The following NRG3 variants were observed in gnomAD, a reference collection of about 807,000 sequenced individuals.
NRG3 encodes pro-neuregulin-3, membrane-bound isoform.
A neutral mutation model predicts 66.9 loss-of-function variants in NRG3; 31 were observed. The observed-to-expected ratio is 0.46, with a 90% CI of 0.35 to 0.63. The LOEUF is 0.63. Among genes scored for constraint, NRG3 ranks in the 20% least tolerant of loss-of-function variants. The probability of loss-of-function intolerance (pLI) is 0.00; values close to 1 mark genes in which losing one functional copy is unlikely to be tolerated. For missense variants in NRG3, 910 were observed against 878.9 expected (o/e 1.04, Z -0.45); for synonymous variants, 393 against 359.4 (o/e 1.09, Z -1.06).
At position 82,128,994 on chromosome 10, in the gene NRG3, A is replaced by AC. The variant is rs369878918; in HGVS notation, c.824-229743dup. Among the ~76,000 whole-genome samples the AC allele has an allele frequency of 5.2e-3, 789 of 151,818 alleles. 9 individuals are homozygous for AC. Among genetic ancestry groups the AC allele is most frequent in the African/African-American group, 0.018 (741 of 41,396 alleles). Reference sequence around the variant, plus strand: ...AGTGGCGTGATATCGGCTCACTGCAACCTCGCCTCTCGGGTTCAAGCGATT... The same window carrying AC: ...AGTGGCGTGATATCGGCTCACTGCAACCCTCGCCTCTCGGGTTCAAGCGATT... On this transcript the variant is annotated intron_variant, in intron 1 of 8. Transcript: ENST00000372141.
intron 1 of NRG3, among the ~76,000 whole-genome samples, chr10:81,920,275 A>G (rs992394533): frequency 1.3e-5 from 2 of 152,132 alleles, no homozygotes; most frequent in Non-Finnish European, 2.9e-5. Flanking sequence ...CTTAAAGTCA[A>G]TGCTCCTCAC....
chr10:82,729,090 A>T (rs997946017), intron 2 of NRG3, among the ~76,000 whole-genome samples: 3 of 152,164 alleles, frequency 2.0e-5, no homozygotes, highest in Non-Finnish European at 2.9e-5. Context: ...TGAGAGGTTA[A>T]TCACAGGCCT....
intron 2 of NRG3, among the ~76,000 whole-genome samples, chr10:82,406,460 G>T (rs951644856): frequency 6.6e-6 from 1 of 152,128 alleles, no homozygotes; most frequent in Admixed American, 6.5e-5. Flanking sequence ...TCCACTGAAA[G>T]TTCATGGAAA....
At chr10:82,115,965 A>T (rs1463950895) in intron 1 of NRG3, among the ~76,000 whole-genome samples, 2 of 151,906 alleles carry the variant, frequency 1.3e-5, no homozygotes, top group Admixed American at 6.6e-5. Flanking sequence ...CACAACTTTG[A>T]CTCCTAAGAA....
intron 2 of NRG3, among the ~76,000 whole-genome samples, chr10:82,405,158 C>T (rs1013490540): frequency 4.6e-5 from 7 of 152,166 alleles, no homozygotes; most frequent in Non-Finnish European, 8.8e-5. Context: ...GAAAAGTGGT[C>T]GAACGAGGCC....
intron 2 of NRG3, among the ~76,000 whole-genome samples, chr10:82,590,937 C>T (rs1347511440): frequency 6.6e-6 from 1 of 152,248 alleles, no homozygotes; most frequent in South Asian, 2.1e-4. Context: ...GGCTACAGAC[C>T]AAGATGAATG....
At chr10:82,143,015 T>C (rs143166918) in intron 1 of NRG3, among the ~76,000 whole-genome samples, 169 of 150,668 alleles carry the variant, frequency 1.1e-3, no homozygotes, top group African/African-American at 4.0e-3. Flanking sequence ...GCGATCCTCC[T>C]GCCTTGGCCT....
intron 2 of NRG3, among the ~76,000 whole-genome samples, chr10:82,404,631 T>C (rs1314323038): frequency 7.2e-5 from 11 of 152,204 alleles, no homozygotes; most frequent in African/African-American, 2.2e-4. Context: ...ATAAAAGCTT[T>C]CCTAAGTTAT....
At chr10:81,924,300 T>G (rs1384451925) in intron 1 of NRG3, among the ~76,000 whole-genome samples, 1 of 152,238 alleles carries the variant, frequency 6.6e-6, no homozygotes, top group Non-Finnish European at 1.5e-5. Context: ...TAAAGTACTT[T>G]CTCATTATAT....
At chr10:82,577,240 T>A (rs555143223) in intron 2 of NRG3, among the ~76,000 whole-genome samples, 1 of 151,904 alleles carries the variant, frequency 6.6e-6, no homozygotes, top group African/African-American at 2.4e-5. Flanking sequence ...ACTTTTATAA[T>A]AACTCTGCAT....
chr10:82,395,706 C>A (rs537774338), intron 2 of NRG3, among the ~76,000 whole-genome samples: 1 of 152,154 alleles, frequency 6.6e-6, no homozygotes, highest in Non-Finnish European at 1.5e-5. Context: ...ATCCACCCAT[C>A]CATCCATCTA....
At chr10:82,895,561 G>T (rs1321826279) in intron 4 of NRG3, among the ~76,000 whole-genome samples, 1 of 147,512 alleles carries the variant, frequency 6.8e-6, no homozygotes. Context: ...CACGATCTCG[G>T]CTCACTGCAA....
At chr10:82,081,372 C>CTT (rs1026900376) in intron 1 of NRG3, among the ~76,000 whole-genome samples, 2 of 149,230 alleles carry the variant, frequency 1.3e-5, no homozygotes, top group African/African-American at 4.9e-5. Flanking sequence ...GTTCTGTCTC[C>CTT]TTTTTTTTTT....
At chr10:82,887,209 T>C (rs12252376) in intron 4 of NRG3, among the ~76,000 whole-genome samples, 3,490 of 152,288 alleles carry the variant, frequency 0.023, 121 homozygotes, top group African/African-American at 0.078. Context: ...GAGATTAGGA[T>C]AGAGCAAGCT....
intron 1 of NRG3, among the ~76,000 whole-genome samples, chr10:82,344,859 T>A (rs934100837): frequency 1.6e-5 from 2 of 127,386 alleles, no homozygotes; most frequent in Non-Finnish European, 3.0e-5. Context: ...CATAAATGTC[T>A]TCTTTTGAGA....
intron 4 of NRG3, among the ~76,000 whole-genome samples, chr10:82,909,270 G>T (rs1328641429): frequency 6.6e-6 from 1 of 152,150 alleles, no homozygotes; most frequent in Admixed American, 6.5e-5. Context: ...GCAGAGAAAT[G>T]GATTTTTGAC....
chr10:82,005,892 G>A (rs1427411525), intron 1 of NRG3, among the ~76,000 whole-genome samples: 5 of 68,278 alleles, frequency 7.3e-5, no homozygotes, highest in Non-Finnish European at 1.4e-4. Flanking sequence ...GAGGAAATGT[G>A]TATTTTGTGT....
chr10:81,917,504 C>T (rs890366262), intron 1 of NRG3, among the ~76,000 whole-genome samples: 1 of 152,130 alleles, frequency 6.6e-6, no homozygotes, highest in Non-Finnish European at 1.5e-5. Context: ...TTCCTGTCCC[C>T]TTCAAAATAA....
At chr10:81,938,285 G>A (rs1166027334) in intron 1 of NRG3, among the ~76,000 whole-genome samples, 1 of 151,622 alleles carries the variant, frequency 6.6e-6, no homozygotes, top group Non-Finnish European at 1.5e-5. Context: ...ATTTTGAAAG[G>A]GATTTCAATG....
Sources: gnomAD v4.1 joint callset for allele counts (sites outside exome capture counted in the v4.1 genomes callset) on GRCh38, gnomAD v4.1.1 for gene constraint, MANE v1.5 for transcripts, NCBI Gene and HGNC (gene_info 2026-07-23, HGNC 2026-07-21) for gene names.